The following NAV3 variants were observed in gnomAD, a reference collection of about 807,000 sequenced individuals.
The protein encoded by NAV3 is neuron navigator 3, also known as pore membrane and/or filament interacting like protein 1.
In NAV3, 87 loss-of-function variants were observed where a neutral mutation model predicts 244.7. That is an observed-to-expected ratio of 0.36 (90% CI 0.30 to 0.42). The LOEUF is 0.42. Among genes scored for constraint, NAV3 ranks in the 20% least tolerant of loss-of-function variants. NAV3 has a pLI of 1.00. For missense variants in NAV3, 2,663 were observed against 2,893.3 expected (o/e 0.92, Z 1.83); for synonymous variants, 1,126 against 1,042.2 (o/e 1.08, Z -1.55).
chr12:77,771,545 A>G (rs1382961286), intron 2 of NAV3, among the ~76,000 whole-genome samples: 4 of 152,354 alleles, frequency 2.6e-5, no homozygotes, highest in East Asian at 1.9e-4. Flanking sequence ...CTAGATTAAG[A>G]AAATGTGGCA....
intron 9 of NAV3, among the ~76,000 whole-genome samples, chr12:78,046,581 C>G (rs1265946631): frequency 6.6e-6 from 1 of 152,198 alleles, no homozygotes; most frequent in Non-Finnish European, 1.5e-5. Flanking sequence ...TTTGATTGCA[C>G]TCTGGTCTGA....
Position 78,051,157 on chromosome 12 carries a change from C to T in NAV3, c.2516+10C>T, listed in dbSNP as rs1323835748. The T allele has an allele frequency of 1.9e-6, 3 of 1,592,326 alleles. No homozygotes were observed. In the South Asian group the frequency reaches 3.4e-5, roughly 18 times the overall value. On this transcript the variant is annotated intron_variant, in intron 11 of 39. Transcript: ENST00000397909. Reference sequence around the variant, plus strand: ...ATGACATCAACAGTGGGTAAGTAACCCTGTTCTCCGTCAGCATTGTGTGAA... The same window carrying T: ...ATGACATCAACAGTGGGTAAGTAACTCTGTTCTCCGTCAGCATTGTGTGAA...
intron 2 of NAV3, among the ~76,000 whole-genome samples, chr12:77,620,420 G>C (rs1871324018): frequency 6.6e-6 from 1 of 151,934 alleles, no homozygotes; most frequent in Non-Finnish European, 1.5e-5. Flanking sequence ...CCTTACTTAT[G>C]CTTGTGTCAA....
intron 2 of NAV3, among the ~76,000 whole-genome samples, chr12:77,649,643 C>G (rs1202528763): frequency 6.6e-6 from 1 of 151,912 alleles, no homozygotes; most frequent in East Asian, 1.9e-4. Context: ...TTATTGTGAC[C>G]TTCATATTTT....
intron 3 of NAV3, among the ~76,000 whole-genome samples, chr12:77,963,029 T>C (rs562387942): frequency 3.3e-5 from 5 of 152,272 alleles, no homozygotes; most frequent in East Asian, 3.9e-4. Context: ...GTTTGTTTGA[T>C]ATCCGATTCA....
chr12:78,092,028 A>G (rs1174343039), intron 12 of NAV3, among the ~76,000 whole-genome samples: 1 of 152,192 alleles, frequency 6.6e-6, no homozygotes, highest in Non-Finnish European at 1.5e-5. Context: ...TTCATTATTC[A>G]TTCACCAAAC....
intron 2 of NAV3, among the ~76,000 whole-genome samples, chr12:77,665,006 T>TG (rs1873651513): frequency 1.3e-5 from 2 of 152,218 alleles, no homozygotes; most frequent in African/African-American, 4.8e-5. Context: ...TAGCTGGGAC[T>TG]GCAGGTGCAC....
intron 2 of NAV3, among the ~76,000 whole-genome samples, chr12:77,586,351 G>A: frequency 6.6e-6 from 1 of 152,196 alleles, no homozygotes; most frequent in East Asian, 1.9e-4. Flanking sequence ...CTTTTTATAT[G>A]CTTCTTTTAC....
chr12:77,977,716 A>ATG (rs1565980862), intron 5 of NAV3, among the ~76,000 whole-genome samples: 3 of 138,590 alleles, frequency 2.2e-5, no homozygotes, highest in African/African-American at 7.8e-5. Context: ...ACACGCGCAC[A>ATG]CACACACACA....
At chr12:77,928,891 T>C (rs1430313237) in intron 1 of NAV3, among the ~76,000 whole-genome samples, 2 of 151,986 alleles carry the variant, frequency 1.3e-5, no homozygotes. Flanking sequence ...TGAAATTGAG[T>C]TAAAGGGTGC....
chr12:77,589,171 A>G (rs891178191), intron 2 of NAV3, among the ~76,000 whole-genome samples: 8 of 152,210 alleles, frequency 5.3e-5, no homozygotes, highest in Non-Finnish European at 1.2e-4. Context: ...GCATGAAATA[A>G]TAGGAAAAAC....
intron 16 of NAV3, among the ~76,000 whole-genome samples, chr12:78,126,624 A>G (rs11108432): frequency 1.6e-3 from 238 of 152,186 alleles, no homozygotes; most frequent in African/African-American, 5.5e-3. Flanking sequence ...ATTCAAATAA[A>G]TGATACTAGA....
Position 77,831,556 on chromosome 12 carries a change from C to A in NAV3, c.95C>A (p.Thr32Asn), listed in dbSNP as rs1446195086. The part of the protein sequence containing the change: ...TALPIPNLGT[T>N]GSQHCSSRPL... Reference sequence around the variant, plus strand: ...CTTCCGATACCAAATCTTGGCACTACTGGGTCACAGCACTGTTCTTCAAGA... The same window carrying A: ...CTTCCGATACCAAATCTTGGCACTAATGGGTCACAGCACTGTTCTTCAAGA... Residue 32 changes from threonine (T) to asparagine (N), a missense_variant, in exon 1 of 40, where the codon ACT (threonine) becomes AAT (asparagine). Around this residue, in one of 6 missense-constraint regions of NAV3, gnomAD observed 1,521 missense variants for 1,497.0 expected, o/e 1.02. Transcript: ENST00000397909. 6.2e-7 allele frequency: 1 copy of A among 1,614,116 alleles called. No homozygotes were observed.
intron 7 of NAV3, among the ~76,000 whole-genome samples, chr12:78,003,170 T>TTTTTTTTTTTTTTTTTGA (rs1457926634): frequency 6.7e-6 from 1 of 150,034 alleles, no homozygotes; most frequent in African/African-American, 2.4e-5. Flanking sequence ...CAATTATTTA[T>TTTTTTTTTTTTTTTTTGA]GCAAAGCAGT....
chr12:77,939,679 A>AT (rs923490751), intron 1 of NAV3, among the ~76,000 whole-genome samples: 41 of 152,244 alleles, frequency 2.7e-4, no homozygotes, highest in Admixed American at 2.6e-3. Flanking sequence ...CAAATTGTCA[A>AT]TTTTGTGCCT....
At chr12:77,684,449 C>T (rs1874620827) in intron 2 of NAV3, among the ~76,000 whole-genome samples, 1 of 151,964 alleles carries the variant, frequency 6.6e-6, no homozygotes, top group South Asian at 2.1e-4. Context: ...AGTCCAGTGG[C>T]AAGCAGTGTC....
Position 78,050,694 on chromosome 12 carries a change from G to C in NAV3, c.2133-70G>C, listed in dbSNP as rs1210686308. ...ATGACCCTCAACTCCAGCCTTTTCT[G>C]TCTTCATGCATTCTAGATTATGGCC... is the stretch of plus-strand genomic sequence containing the variant. On this transcript the variant is annotated intron_variant, in intron 10 of 39. Coordinates refer to ENST00000397909, the MANE Select transcript of NAV3 (RefSeq NM_001024383.2). 14 of 1,485,506 alleles carry C rather than the reference G, an allele frequency of 9.4e-6. No homozygotes were observed. The African/African-American group carries it at 1.7e-4, about 18-fold the overall frequency. The allele number at this position is 1,485,506 out of a possible 1,614,324, so 92.0% of individuals were successfully genotyped here.
chr12:78,138,522 C>T (rs1956469856), intron 19 of NAV3, among the ~76,000 whole-genome samples: 1 of 152,072 alleles, frequency 6.6e-6, no homozygotes, highest in South Asian at 2.1e-4. Flanking sequence ...GCAATATTAA[C>T]CAAACCACTC....
At chr12:78,100,268 A>G (rs949212003) in intron 12 of NAV3, among the ~76,000 whole-genome samples, 6 of 151,942 alleles carry the variant, frequency 3.9e-5, no homozygotes, top group Non-Finnish European at 7.4e-5. Flanking sequence ...AACCTAATGT[A>G]GACTTCCCTT....
Sources: allele counts gnomAD v4.1 joint callset (sites outside exome capture counted in the v4.1 genomes callset), GRCh38; gene constraint gnomAD v4.1.1; regional missense constraint gnomAD v4.1.1; transcripts MANE v1.5; gene names NCBI Gene and HGNC (gene_info 2026-07-23, HGNC 2026-07-21).